The following CUL2 variants were observed in gnomAD, a reference collection of about 807,000 sequenced individuals.
The protein encoded by CUL2 is cullin-2.
Under a neutral mutation model 110.2 loss-of-function variants are expected in CUL2, and 22 were observed. The observed-to-expected ratio is 0.20, with a 90% CI of 0.14 to 0.28. The LOEUF (loss-of-function observed/expected upper bound fraction) is 0.28. CUL2 is among the 10% of genes least tolerant of loss of function. The pLI is 1.00. For missense variants in CUL2, 631 were observed against 905.5 expected (o/e 0.70, Z 3.89); for synonymous variants, 279 against 293.2 (o/e 0.95, Z 0.49).
chr10:35,027,004 T>C lies in CUL2; in HGVS notation c.1617+1806A>G, dbSNP rs188151110. On this transcript the variant is annotated intron_variant, in intron 16 of 20. Transcript: ENST00000374749. The stretch of plus-strand genomic sequence containing the variant: ...CCCCCCTCCTCCCAGACTAAACTTA[T>C]TTTAAAATAAACAGGATAAAAAACA... Among the ~76,000 whole-genome samples, 458 of 152,140 alleles carry C rather than the reference T, an allele frequency of 3.0e-3. 10 individuals carry two copies. Among genetic ancestry groups the C allele is most frequent in the Admixed American group, 0.029 (446 of 15,272 alleles).
chr10:35,046,971 T>G (rs1178984988), intron 6 of CUL2, among the ~76,000 whole-genome samples: 2 of 151,960 alleles, frequency 1.3e-5, no homozygotes, highest in Non-Finnish European at 2.9e-5. Flanking sequence ...AAACAAACAG[T>G]TATTTTGCTT....
At position 35,013,688 on chromosome 10, in the gene CUL2, A is replaced by G. The variant is rs1258733417; in HGVS notation, c.1989+11T>C. 3 of 1,530,632 alleles carry G rather than the reference A, an allele frequency of 2.0e-6. No homozygotes were observed. Among genetic ancestry groups the G allele is most frequent in the South Asian group, 2.5e-5 (2 of 81,034 alleles). 94.8% of individuals were successfully genotyped at this position (1,530,632 alleles called of 1,614,324 possible). A position where few individuals can be genotyped will look rare whatever the true frequency, so the allele number is the denominator to read the frequency against. ...CCCCCTCAAAAAAAACTTGACATTA[A>G]AAGCACTTACTTGTGGTGTGTCTTT... On this transcript the variant is annotated intron_variant, in intron 19 of 20. Transcript: ENST00000374749.
intron 1 of CUL2, among the ~76,000 whole-genome samples, chr10:35,084,231 C>G (rs146278820): frequency 6.6e-6 from 1 of 152,138 alleles, no homozygotes; most frequent in Admixed American, 6.5e-5. Context: ...GAGCTGAGAT[C>G]GCGCCACTGC....
intron 6 of CUL2, among the ~76,000 whole-genome samples, chr10:35,045,337 C>T (rs1490690732): frequency 6.6e-5 from 10 of 151,988 alleles, no homozygotes. Context: ...GCCTGTAATC[C>T]CAACACTTTG....
intron 10 of CUL2, 123 bp downstream of exon 10, chr10:35,035,049 G>C: frequency 8.8e-7 from 1 of 1,137,734 alleles, no homozygotes; most frequent in Non-Finnish European, 1.3e-6. Context: ...TTTGAATAAA[G>C]ACATTTCTTT....
chr10:35,011,924 T>A lies in CUL2; in HGVS notation c.2030A>T (p.Lys677Ile). Reference protein sequence around the residue: ...QTRSAVDEDRKMYLQAAIVRI... With the variant: ...QTRSAVDEDRIMYLQAAIVRI... ...AACTATAGCAGCTTGGAGATACATT[T>A]TCCGGTCCTCATCAACTGCACTTCT... Residue 677 changes from lysine (K) to isoleucine (I), a missense_variant, in exon 20 of 21, where the codon AAA becomes ATA. Physicochemically the swap from Lys to Ile is moderately radical, Grantham distance 102. Transcript: ENST00000374749. 6.2e-7 allele frequency: 1 copy of A among 1,613,186 alleles called. No homozygotes were observed. The highest frequency in any genetic ancestry group is 8.5e-7 in the Non-Finnish European group (1 of 1,179,450).
chr10:35,048,813 ATCT>A (rs2086017185), intron 6 of CUL2, among the ~76,000 whole-genome samples: 1 of 152,194 alleles, frequency 6.6e-6, no homozygotes, highest in South Asian at 2.1e-4. Context: ...ATATTCTCTT[ATCT>A]TCTTATGTGA....
At chr10:35,065,086 TG>T (rs1266202615) in intron 2 of CUL2, among the ~76,000 whole-genome samples, 1 of 152,246 alleles carries the variant, frequency 6.6e-6, no homozygotes, top group African/African-American at 2.4e-5. Flanking sequence ...CTCAAATCAC[TG>T]TATAATTTTA....
intron 1 of CUL2, chr10:35,079,633 C>A (rs139656481): frequency 5.8e-5 from 9 of 154,038 alleles, no homozygotes; most frequent in Admixed American, 3.3e-4. Context: ...TTCACAATTT[C>A]TTTTCTTTCA....
intron 11 of CUL2, 66 bp from the exon 12 acceptor site, chr10:35,032,560 A>G: frequency 7.7e-7 from 1 of 1,297,134 alleles, no homozygotes; most frequent in Admixed American, 2.4e-5. Flanking sequence ...AGTTCAATAT[A>G]AGCCATAATC....
At position 35,029,653 on chromosome 10, in the gene CUL2, T is replaced by G; in HGVS notation, c.1387-13A>C. On this transcript the variant is annotated splice_polypyrimidine_tract_variant and intron_variant, in intron 14 of 20. Transcript: ENST00000374749. ...AACCACAGGCTTGCTATAAAAAAGT[T>G]TTAGAAAATACATGAATTCAAAAGA... 1.3e-6 allele frequency: 2 copies of G among 1,571,428 alleles called. No homozygotes were observed. Among genetic ancestry groups the G allele is most frequent in the East Asian group, 4.6e-5 (2 of 43,940 alleles).
chr10:35,099,881 C>G (rs2087353244), intron 2 of CUL2, among the ~76,000 whole-genome samples: 1 of 152,052 alleles, frequency 6.6e-6, no homozygotes, highest in East Asian at 1.9e-4. Context: ...AAAAAATGGA[C>G]TTTTATTAAC....
chr10:35,105,868 G>A (rs918289234), intron 1 of CUL2, among the ~76,000 whole-genome samples: 4 of 147,812 alleles, frequency 2.7e-5, no homozygotes, highest in African/African-American at 9.9e-5. Context: ...TAAACTTTAG[G>A]AGAAAAACAC....
intron 1 of CUL2, among the ~76,000 whole-genome samples, chr10:35,077,013 C>T (rs1321625068): frequency 6.6e-6 from 1 of 152,032 alleles, no homozygotes; most frequent in Non-Finnish European, 1.5e-5. Context: ...GATAAAACTC[C>T]CAAGAGAAAT....
At chr10:35,069,846 T>C (rs925218827) in intron 2 of CUL2, among the ~76,000 whole-genome samples, 2 of 152,222 alleles carry the variant, frequency 1.3e-5, no homozygotes, top group African/African-American at 2.4e-5. Flanking sequence ...AAAGCACCTA[T>C]GAACTTGCCT....
chr10:35,038,897 T>C, intron 9 of CUL2, 23 bp downstream of exon 9: 2 of 1,516,188 alleles, frequency 1.3e-6, no homozygotes, highest in South Asian at 2.4e-5. Context: ...ATTTAATTTC[T>C]ACTCATGTTT....
chr10:35,052,399 G>A (rs919583662), intron 5 of CUL2, among the ~76,000 whole-genome samples: 7 of 152,140 alleles, frequency 4.6e-5, no homozygotes, highest in African/African-American at 1.7e-4. Context: ...CTTCGACAGA[G>A]GCTCCACTTC....
At chr10:35,050,325 A>AC (rs1210316117) in intron 5 of CUL2, among the ~76,000 whole-genome samples, 75 of 151,990 alleles carry the variant, frequency 4.9e-4, no homozygotes, top group Middle Eastern at 3.4e-3. Context: ...TCCGTCTCAA[A>AC]AAAAAAAAAA....
At chr10:35,092,965 C>T (rs1013724622), upstream of CUL2, among the ~76,000 whole-genome samples, 2 of 152,134 alleles carry the variant, frequency 1.3e-5, no homozygotes, top group African/African-American at 4.8e-5. Context: ...TCCCCAGTTG[C>T]TCCTATAAAT....
Sources: allele counts gnomAD v4.1 joint callset (sites outside exome capture counted in the v4.1 genomes callset), GRCh38; gene constraint gnomAD v4.1.1; transcripts MANE v1.5; gene names NCBI Gene and HGNC (gene_info 2026-07-23, HGNC 2026-07-21).